The following MYO1H variants were observed in gnomAD, a reference collection of about 807,000 sequenced individuals.
MYO1H encodes myosin IH.
MYO1H carries 118 observed loss-of-function variants against 149.3 expected under a neutral mutation model. The observed-to-expected ratio is 0.79, with a 90% CI of 0.68 to 0.92. The LOEUF (loss-of-function observed/expected upper bound fraction) is 0.92. Ranked by LOEUF, MYO1H falls within the 40% of genes least tolerant of loss-of-function variation. The pLI is 0.00. For missense variants in MYO1H, 1,212 were observed against 1,280.7 expected (o/e 0.95, Z 0.82); for synonymous variants, 447 against 465.2 (o/e 0.96, Z 0.50).
intron 10 of MYO1H, among the ~76,000 whole-genome samples, chr12:109,409,133 G>T (rs1341728338): frequency 1.3e-5 from 2 of 151,538 alleles, no homozygotes; most frequent in East Asian, 3.9e-4. Flanking sequence ...CTGGCCTGAG[G>T]GTACTTGGTC....
At chr12:109,311,872 A>G in the MYO1H span, among the ~76,000 whole-genome samples, 1 of 152,220 alleles carries the variant, frequency 6.6e-6, no homozygotes, top group Non-Finnish European at 1.5e-5. Flanking sequence ...AGAAAGAAAA[A>G]GCAATAGGTA....
chr12:109,406,014 T>C (rs752996948), exon 8 of MYO1H: 4 of 1,612,426 alleles, frequency 2.5e-6, no homozygotes, highest in Admixed American at 1.7e-5. Context: ...CAGACACCCA[T>C]GAGATCAAGT....
rs1020142756 is a variant in MYO1H at position 109,369,538 on chromosome 12, GATA to G, written c.13-19141_13-19139del. 1.4e-3 allele frequency among the ~76,000 whole-genome samples: 213 copies of G among 152,250 alleles called. 2 individuals carry two copies. Among genetic ancestry groups the G allele is most frequent in the African/African-American group, 4.8e-3 (201 of 41,540 alleles). Reference sequence around the variant, plus strand: ...GCTTAAAAATTGGATGGGTATTAATGATAATATTTAAAAATCTCTCTCTCACAC... The same window carrying G: ...GCTTAAAAATTGGATGGGTATTAATGATATTTAAAAATCTCTCTCTCACAC... On this transcript the variant is annotated intron_variant, in intron 1 of 31. Coordinates refer to ENST00000310903, the Ensembl canonical transcript of MYO1H.
chr12:109,328,141 CATAT>C, the MYO1H span, among the ~76,000 whole-genome samples: 1 of 142,594 alleles, frequency 7.0e-6, no homozygotes. Flanking sequence ...CACACACACG[CATAT>C]ATATATATAT....
chr12:109,447,442 C>T (rs1299770212), exon 32 of MYO1H: 13 of 583,210 alleles, frequency 2.2e-5, no homozygotes, highest in South Asian at 1.0e-4. Flanking sequence ...TAAACACCCT[C>T]GACAGGATCT....
chr12:109,382,332 C>T (rs1490076570), intron 1 of MYO1H, among the ~76,000 whole-genome samples: 1 of 151,998 alleles, frequency 6.6e-6, no homozygotes, highest in Non-Finnish European at 1.5e-5. Context: ...ATTAACAAAA[C>T]CTAGAATGTG....
At chr12:109,310,595 C>T in the MYO1H span, among the ~76,000 whole-genome samples, 2 of 151,334 alleles carry the variant, frequency 1.3e-5, no homozygotes, top group African/African-American at 4.9e-5. Flanking sequence ...GGACCAGTGT[C>T]CCCGCACCTG....
chr12:109,349,787 C>T (rs1478923200), intron 1 of MYO1H, among the ~76,000 whole-genome samples: 1 of 151,234 alleles, frequency 6.6e-6, no homozygotes, highest in Non-Finnish European at 1.5e-5. Flanking sequence ...GGTGAAACCC[C>T]GTCTCTACTA....
chr12:109,327,135 T>C, the MYO1H span, among the ~76,000 whole-genome samples: 1 of 119,680 alleles, frequency 8.4e-6, no homozygotes, highest in Non-Finnish European at 1.8e-5. Context: ...TTTCTTTTTC[T>C]TTTTTTTTTT....
chr12:109,408,545 GA>G (rs1258899238), intron 10 of MYO1H, among the ~76,000 whole-genome samples: 1 of 151,980 alleles, frequency 6.6e-6, no homozygotes, highest in African/African-American at 2.4e-5. Flanking sequence ...ACATATTTAC[GA>G]AAAAATATAG....
At chr12:109,447,925 A>G (rs1872554968) in exon 32 of MYO1H, 1 of 152,296 alleles carries the variant, frequency 6.6e-6, no homozygotes, top group South Asian at 2.1e-4. Context: ...ACAAATGGAC[A>G]ATAAATGCCA....
chr12:109,359,639 T>C (rs1447939602), intron 1 of MYO1H, among the ~76,000 whole-genome samples: 2 of 152,214 alleles, frequency 1.3e-5, no homozygotes, highest in Non-Finnish European at 2.9e-5. Flanking sequence ...TGTTTTCTAA[T>C]GAATAATTAC....
chr12:109,371,995 T>G (rs1019114551), intron 1 of MYO1H, among the ~76,000 whole-genome samples: 4 of 152,174 alleles, frequency 2.6e-5, no homozygotes, highest in Non-Finnish European at 5.9e-5. Flanking sequence ...TGTATTTGTG[T>G]GGGGTGTTGG....
intron 1 of MYO1H, among the ~76,000 whole-genome samples, chr12:109,363,840 G>A (rs539513466): frequency 2.6e-5 from 4 of 152,144 alleles, no homozygotes; most frequent in African/African-American, 7.2e-5. Context: ...ATAGCAAGAC[G>A]AAAAAGAAAT....
At chr12:109,374,402 G>T (rs1869050056) in intron 1 of MYO1H, among the ~76,000 whole-genome samples, 1 of 152,166 alleles carries the variant, frequency 6.6e-6, no homozygotes, top group South Asian at 2.1e-4. Flanking sequence ...TTATTGAAAG[G>T]TTTCAAATGA....
At chr12:109,398,581 A>C (rs908032889) in intron 5 of MYO1H, among the ~76,000 whole-genome samples, 7 of 145,098 alleles carry the variant, frequency 4.8e-5, no homozygotes, top group African/African-American at 1.8e-4. Context: ...CCCCATCTCT[A>C]AAAAAAAAAA....
At position 109,407,921 on chromosome 12, in the gene MYO1H, A is replaced by G; in HGVS notation, c.1155+8A>G. ...TCCTCCTTAGTTAACAAGGTTGGTCAACGCATTTTGGATCCCTTGCTCTTG... is the reference window on the plus strand; with the variant it reads ...TCCTCCTTAGTTAACAAGGTTGGTCGACGCATTTTGGATCCCTTGCTCTTG... On this transcript the variant is annotated splice_region_variant and intron_variant, in intron 10 of 31. Coordinates refer to ENST00000310903, the Ensembl canonical transcript of MYO1H. 1.2e-6 allele frequency: 2 copies of G among 1,613,872 alleles called. No individual in the cohort carries two copies. The highest frequency in any genetic ancestry group is 2.2e-5 in the East Asian group (1 of 44,862).
intron 2 of MYO1H, among the ~76,000 whole-genome samples, chr12:109,392,376 G>C (rs1478322814): frequency 1.3e-5 from 2 of 152,140 alleles, no homozygotes; most frequent in Non-Finnish European, 2.9e-5. Context: ...TGCCTACTTT[G>C]TTTACAGCTG....
At chr12:109,334,488 T>C in the MYO1H span, among the ~76,000 whole-genome samples, 2 of 152,204 alleles carry the variant, frequency 1.3e-5, no homozygotes, top group Non-Finnish European at 2.9e-5. Context: ...GAAATAGATA[T>C]TATTATCCAC....
Sources: allele counts gnomAD v4.1 joint callset (sites outside exome capture counted in the v4.1 genomes callset), GRCh38; gene constraint gnomAD v4.1.1; transcripts MANE v1.5; gene names NCBI Gene and HGNC (gene_info 2026-07-23, HGNC 2026-07-21).